FRK: variants seen among roughly 807,000 people sequenced by gnomAD.
FRK encodes tyrosine-protein kinase FRK.
FRK carries 51 observed loss-of-function variants against 56.4 expected under a neutral mutation model. That is an observed-to-expected ratio of 0.90 (90% confidence interval 0.72 to 1.14). The LOEUF (loss-of-function observed/expected upper bound fraction) is 1.14. FRK is among the 50% of genes most tolerant of loss of function. The pLI is 0.00. For missense variants in FRK, 570 were observed against 601.4 expected (o/e 0.95, Z 0.55); for synonymous variants, 245 against 217.9 (o/e 1.12, Z -1.10).
intron 1 of FRK, among the ~76,000 whole-genome samples, chr6:116,041,050 A>C (rs1053325051): frequency 1.3e-5 from 2 of 152,134 alleles, no homozygotes; most frequent in Non-Finnish European, 2.9e-5. Flanking sequence ...CTATGTAATA[A>C]TTTTGTTTTC....
chr6:115,989,732 T>C (rs956251910), intron 2 of FRK, among the ~76,000 whole-genome samples: 1 of 151,938 alleles, frequency 6.6e-6, no homozygotes, highest in African/African-American at 2.4e-5. Flanking sequence ...TTGTGCATAC[T>C]GCTGCAAATA....
At chr6:116,080,659 G>C in the FRK span, among the ~76,000 whole-genome samples, 1 of 152,066 alleles carries the variant, frequency 6.6e-6, no homozygotes, top group Non-Finnish European at 1.5e-5. Context: ...CCACACGTTA[G>C]AGAAAAAAGA....
In FRK at chr6:116,019,154, G is replaced by A. The variant is rs77361078; in HGVS notation, c.345-15156C>T. ...TCTTTCCTTAGCTTACTTTGTTTTTGGTATTATTTGATTAATTCCTACTTC... is the reference window on the plus strand; with the variant it reads ...TCTTTCCTTAGCTTACTTTGTTTTTAGTATTATTTGATTAATTCCTACTTC... On this transcript the variant is annotated intron_variant, in intron 1 of 7. Coordinates refer to ENST00000606080, the MANE Select transcript of FRK (RefSeq NM_002031.3). 8.6e-3 allele frequency among the ~76,000 whole-genome samples: 1,311 copies of A among 152,096 alleles called. 9 individuals are homozygous for A. The highest frequency in any genetic ancestry group is 0.012 in the Non-Finnish European group (797 of 67,994).
At chr6:116,015,807 G>A (rs1420279853) in intron 1 of FRK, among the ~76,000 whole-genome samples, 3 of 152,190 alleles carry the variant, frequency 2.0e-5, no homozygotes, top group African/African-American at 7.2e-5. Context: ...ACTTGACAGA[G>A]ATGATTTAGG....
At chr6:116,046,448 G>A (rs1030368046) in intron 1 of FRK, among the ~76,000 whole-genome samples, 9 of 152,206 alleles carry the variant, frequency 5.9e-5, no homozygotes, top group African/African-American at 2.2e-4. Context: ...ATACTATGCA[G>A]CCATAAAAAA....
chr6:116,008,005 G>A (rs1231146788), intron 1 of FRK, among the ~76,000 whole-genome samples: 2 of 152,158 alleles, frequency 1.3e-5, no homozygotes, highest in South Asian at 4.2e-4. Flanking sequence ...AAATATGTAA[G>A]CCTTTACAAG....
the FRK span, among the ~76,000 whole-genome samples, chr6:116,076,658 GCTTAA>G: frequency 2.0e-5 from 3 of 152,172 alleles, no homozygotes; most frequent in African/African-American, 7.2e-5. Context: ...TGATAAGTGA[GCTTAA>G]CTGCTCAAGG....
chr6:116,042,313 G>A (rs184199939), intron 1 of FRK, among the ~76,000 whole-genome samples: 350 of 152,232 alleles, frequency 2.3e-3, no homozygotes, highest in Admixed American at 3.9e-3. Context: ...GGGCAGGTAT[G>A]GGCACAGCTT....
chr6:116,054,520 AT>A (rs1777313813), intron 1 of FRK, among the ~76,000 whole-genome samples: 1 of 145,094 alleles, frequency 6.9e-6, no homozygotes, highest in Non-Finnish European at 1.5e-5. Flanking sequence ...TATACTATAT[AT>A]TATATATTAT....
intron 2 of FRK, among the ~76,000 whole-genome samples, chr6:115,980,721 T>C (rs9488819): frequency 0.21 from 31,387 of 152,198 alleles, 3,703 homozygotes; most frequent in Middle Eastern, 0.31. Flanking sequence ...CACTGTCTGG[T>C]ATGATACTTG....
At chr6:115,974,440 C>G (rs1773918919) in intron 2 of FRK, among the ~76,000 whole-genome samples, 1 of 152,048 alleles carries the variant, frequency 6.6e-6, no homozygotes, top group South Asian at 2.1e-4. Flanking sequence ...ACTGTAAAAC[C>G]CAATGCTTGG....
the FRK span, among the ~76,000 whole-genome samples, chr6:116,089,076 G>A: frequency 1.3e-5 from 2 of 152,274 alleles, no homozygotes; most frequent in Admixed American, 1.3e-4. Context: ...AACCATTTCA[G>A]TCTTCTTACA....
At chr6:115,959,002 T>G (rs888577831) in intron 4 of FRK, among the ~76,000 whole-genome samples, 1 of 152,102 alleles carries the variant, frequency 6.6e-6, no homozygotes, top group Non-Finnish European at 1.5e-5. Flanking sequence ...CCTCTGCAGG[T>G]GAAGACTGTT....
intron 1 of FRK, 57 bp from the exon 2 acceptor site, chr6:116,004,055 G>A: frequency 6.7e-7 from 1 of 1,498,484 alleles, no homozygotes; most frequent in Non-Finnish European, 9.2e-7. Flanking sequence ...TTTTTAAGGA[G>A]GAAAAAGCCT....
chr6:116,056,204 T>G (rs1444176081), intron 1 of FRK, among the ~76,000 whole-genome samples: 1 of 151,590 alleles, frequency 6.6e-6, no homozygotes, highest in African/African-American at 2.4e-5. Flanking sequence ...CATTTGGTTT[T>G]TTTTTTTTTT....
intron 1 of FRK, among the ~76,000 whole-genome samples, chr6:116,027,861 G>A (rs1373172640): frequency 6.6e-6 from 1 of 151,832 alleles, no homozygotes; most frequent in East Asian, 1.9e-4. Context: ...CTGATATATA[G>A]GAGTGGACAG....
chr6:116,053,518 T>G (rs1777258120), intron 1 of FRK, among the ~76,000 whole-genome samples: 1 of 152,164 alleles, frequency 6.6e-6, no homozygotes, highest in African/African-American at 2.4e-5. Flanking sequence ...AAAGCAACAC[T>G]AGGATGTATC....
rs147717219 is a variant in FRK, at chr6:115,943,120, G to A, written c.1206C>T (p.Pro402=). ...EIKLPVKWTA[P]EAIRSNKFSI... The stretch of plus-strand genomic sequence containing the variant: ...TGAATTTATTACTACGAATGGCTTC[G>A]GGCGCAGTCCACTTCACCGGCAGCT... Residue 402 remains proline (P), a synonymous_variant, in exon 7 of 8, where the codon CCC becomes CCT. Coordinates refer to ENST00000606080, the MANE Select transcript of FRK (RefSeq NM_002031.3). The A allele has an allele frequency of 8.2e-5, 132 of 1,613,030 alleles. No homozygotes were observed. Among genetic ancestry groups the A allele is most frequent in the Non-Finnish European group, 9.8e-5 (116 of 1,179,562 alleles).
At chr6:116,052,846 T>C (rs1777231550) in intron 1 of FRK, among the ~76,000 whole-genome samples, 2 of 151,800 alleles carry the variant, frequency 1.3e-5, no homozygotes, top group East Asian at 3.9e-4. Context: ...CAGACTAGAG[T>C]GGGGGTGTAA....
Sources: allele counts gnomAD v4.1 joint callset (sites outside exome capture counted in the v4.1 genomes callset), GRCh38; gene constraint gnomAD v4.1.1; transcripts MANE v1.5; gene names NCBI Gene and HGNC (gene_info 2026-07-23, HGNC 2026-07-21).